LRRC4C: variants seen among roughly 807,000 people sequenced by gnomAD.
The protein encoded by LRRC4C is leucine-rich repeat-containing protein 4C.
In LRRC4C, 5 loss-of-function variants were observed where a neutral mutation model predicts 33.6. The observed-to-expected ratio is 0.15, with a 90% CI of 0.08 to 0.31. The LOEUF (loss-of-function observed/expected upper bound fraction) is 0.31, where lower values mean the gene tolerates loss of function less well. Among genes scored for constraint, LRRC4C ranks in the 10% least tolerant of loss-of-function variants. The pLI is 1.00. For synonymous variants in LRRC4C, 329 were observed against 302.0 expected (o/e 1.09, Z -0.93); for missense variants, 560 against 796.7 (o/e 0.70, Z 3.58).
At chr11:40,450,746 A>C (rs1951844682) in intron 3 of LRRC4C, among the ~76,000 whole-genome samples, 1 of 151,600 alleles carries the variant, frequency 6.6e-6, no homozygotes, top group Non-Finnish European at 1.5e-5. Context: ...TTACCTATAC[A>C]ACAAACTGGC....
At position 40,256,540 on chromosome 11, in the gene LRRC4C, G is replaced by A. The variant is rs76985644; in HGVS notation, c.-175-14942C>T. ...CCCAGAAAAGAACAGACACTCTTAAGTAATTCCACTTGTATAAGTGAATGA... is the reference window on the plus strand; with the variant it reads ...CCCAGAAAAGAACAGACACTCTTAAATAATTCCACTTGTATAAGTGAATGA... On this transcript the variant is annotated intron_variant, in intron 4 of 6. Coordinates refer to ENST00000528697, the MANE Select transcript of LRRC4C (RefSeq NM_001258419.2). Among the ~76,000 whole-genome samples the A allele has an allele frequency of 3.3e-3, 499 of 152,128 alleles. 3 individuals are homozygous for A. The highest frequency in any genetic ancestry group is 0.012 in the African/African-American group (485 of 41,520).
intron 2 of LRRC4C, among the ~76,000 whole-genome samples, chr11:40,780,156 A>G (rs1950160738): frequency 6.6e-6 from 1 of 152,182 alleles, no homozygotes; most frequent in South Asian, 2.1e-4. Flanking sequence ...TTAAAAAGGT[A>G]CCTTGAGTAT....
intron 1 of LRRC4C, among the ~76,000 whole-genome samples, chr11:41,036,401 T>A (rs575827214): frequency 6.6e-6 from 1 of 151,904 alleles, no homozygotes; most frequent in African/African-American, 2.4e-5. Flanking sequence ...ACTTTCTTCC[T>A]TTCTCTCAGC....
At chr11:41,423,167 G>A (rs1954929188) in intron 1 of LRRC4C, among the ~76,000 whole-genome samples, 1 of 151,978 alleles carries the variant, frequency 6.6e-6, no homozygotes, top group African/African-American at 2.4e-5. Context: ...ATATTATAAG[G>A]AGATTTAACA....
chr11:40,868,824 CTG>C (rs1433846268), intron 2 of LRRC4C, among the ~76,000 whole-genome samples: 7 of 152,094 alleles, frequency 4.6e-5, no homozygotes, highest in African/African-American at 1.4e-4. Context: ...ATTTAAGAAA[CTG>C]TGTTTTTCTG....
chr11:40,908,922 G>A (rs1416650272), intron 2 of LRRC4C, among the ~76,000 whole-genome samples: 1 of 152,094 alleles, frequency 6.6e-6, no homozygotes, highest in Non-Finnish European at 1.5e-5. Flanking sequence ...TATTACGGGT[G>A]CATTACCTAT....
chr11:41,017,409 C>T (rs1855665198), intron 1 of LRRC4C, among the ~76,000 whole-genome samples: 1 of 152,146 alleles, frequency 6.6e-6, no homozygotes, highest in Non-Finnish European at 1.5e-5. Context: ...GGAACATCTA[C>T]AAAATTGCAA....
At chr11:40,467,033 G>C (rs556544646) in intron 3 of LRRC4C, among the ~76,000 whole-genome samples, 1 of 152,232 alleles carries the variant, frequency 6.6e-6, no homozygotes, top group South Asian at 2.1e-4. Context: ...AAAAGGAAAA[G>C]ACGCAGCCTC....
At chr11:41,394,926 C>T (rs1303061297) in intron 1 of LRRC4C, 1 of 151,738 alleles carries the variant, frequency 6.6e-6, no homozygotes, top group Non-Finnish European at 1.5e-5. Flanking sequence ...TATATGGCAC[C>T]CAGTCAGCAA....
intron 1 of LRRC4C, among the ~76,000 whole-genome samples, chr11:41,383,087 A>G (rs377191075): frequency 2.6e-5 from 4 of 152,126 alleles, no homozygotes; most frequent in South Asian, 2.1e-4. Context: ...CAGGACACCA[A>G]GACAGCTTGT....
chr11:41,234,117 T>C (rs1450216303), intron 1 of LRRC4C, among the ~76,000 whole-genome samples: 3 of 152,004 alleles, frequency 2.0e-5, no homozygotes, highest in African/African-American at 7.2e-5. Context: ...GGCTCATACC[T>C]CTTTGTCTCA....
intron 5 of LRRC4C, among the ~76,000 whole-genome samples, chr11:40,161,457 T>G (rs77291834): frequency 1.3e-5 from 2 of 152,192 alleles, no homozygotes; most frequent in African/African-American, 4.8e-5. Context: ...TAGGAGTTAT[T>G]TGAAAATTAG....
At chr11:40,590,307 G>C (rs1397839280) in intron 3 of LRRC4C, among the ~76,000 whole-genome samples, 1 of 149,964 alleles carries the variant, frequency 6.7e-6, no homozygotes, top group Non-Finnish European at 1.5e-5. Context: ...CATAGTTCTC[G>C]AGCCTTGGTT....
intron 2 of LRRC4C, among the ~76,000 whole-genome samples, chr11:40,780,871 G>A (rs1429943747): frequency 2.6e-5 from 4 of 151,454 alleles, no homozygotes; most frequent in South Asian, 2.1e-4. Context: ...TCTAGGGAGT[G>A]GAAAGGGAGG....
intron 2 of LRRC4C, among the ~76,000 whole-genome samples, chr11:40,734,700 C>T (rs1419568595): frequency 6.6e-6 from 1 of 151,968 alleles, no homozygotes; most frequent in Non-Finnish European, 1.5e-5. Context: ...ACATATGTTT[C>T]TTTACAATCT....
chr11:40,360,675 G>A (rs59988503), intron 3 of LRRC4C, among the ~76,000 whole-genome samples: 101 of 152,178 alleles, frequency 6.6e-4, no homozygotes, highest in African/African-American at 2.2e-3. Flanking sequence ...CATATCTGAA[G>A]ATAAAAACTG....
chr11:41,394,384 G>T (rs746147153), intron 1 of LRRC4C, among the ~76,000 whole-genome samples: 1 of 151,898 alleles, frequency 6.6e-6, no homozygotes, highest in African/African-American at 2.4e-5. Flanking sequence ...TAGAGTATGC[G>T]TCTCTCCTTT....
chr11:40,133,180 C>A (rs1456825516), intron 6 of LRRC4C, among the ~76,000 whole-genome samples: 1 of 152,098 alleles, frequency 6.6e-6, no homozygotes, highest in African/African-American at 2.4e-5. Flanking sequence ...CTCATTAATC[C>A]TTCGAAAATG....
At chr11:41,434,783 G>A (rs1372345488) in intron 1 of LRRC4C, among the ~76,000 whole-genome samples, 1 of 152,160 alleles carries the variant, frequency 6.6e-6, no homozygotes, top group Non-Finnish European at 1.5e-5. Flanking sequence ...AGGATGTGGG[G>A]CAGCTTGAAG....
Sources: gnomAD v4.1 joint callset for allele counts (sites outside exome capture counted in the v4.1 genomes callset) on GRCh38, gnomAD v4.1.1 for gene constraint, MANE v1.5 for transcripts, NCBI Gene and HGNC (gene_info 2026-07-23, HGNC 2026-07-21) for gene names.